The following RALYL variants were observed in gnomAD, a reference collection of about 807,000 sequenced individuals.
RALYL encodes the protein RNA-binding Raly-like protein.
A neutral mutation model predicts 35.1 loss-of-function variants in RALYL; 29 were observed. The observed-to-expected ratio is 0.83, with a 90% CI of 0.61 to 1.13. The LOEUF (loss-of-function observed/expected upper bound fraction) is 1.13, where lower values mean the gene tolerates loss of function less well. Ranked by LOEUF, RALYL falls within the 50% of genes most tolerant of loss-of-function variation. The pLI, the probability that RALYL is intolerant of heterozygous loss-of-function variation, is 0.00. For missense variants in RALYL, 359 were observed against 360.4 expected (o/e 1.00, Z 0.03); for synonymous variants, 120 against 127.6 (o/e 0.94, Z 0.40).
chr8:84,638,354 G>C (rs1318600982), intron 2 of RALYL, among the ~76,000 whole-genome samples: 1 of 151,816 alleles, frequency 6.6e-6, no homozygotes, highest in Non-Finnish European at 1.5e-5. Flanking sequence ...CTGCATCAAA[G>C]TCTGAAAGAG....
intron 2 of RALYL, among the ~76,000 whole-genome samples, chr8:84,769,950 T>C (rs1391334396): frequency 6.6e-6 from 1 of 152,212 alleles, no homozygotes; most frequent in Non-Finnish European, 1.5e-5. Flanking sequence ...CTATTAACTT[T>C]AATGTCTTCT....
rs1554614840 is a variant in RALYL, at chr8:84,311,090, A to AAAAAAT, written c.-24+126667_-24+126668insAAAATA. Among the ~76,000 whole-genome samples, 205 of 99,762 alleles carry AAAAAAT rather than the reference A, an allele frequency of 2.1e-3. 25 individuals carry two copies. The highest frequency in any genetic ancestry group is 2.3e-3 in the Non-Finnish European group (108 of 47,362). 65.4% of individuals were successfully genotyped at this position (99,762 alleles called of 152,430 possible). ...AAAAAAAAAAAAAAAAAAAAAAAAAAATGTATATTAATGTATAGTATAAAT... is the reference window on the plus strand; with the variant it reads ...AAAAAAAAAAAAAAAAAAAAAAAAAAAAAAATATGTATATTAATGTATAGTATAAAT... On this transcript the variant is annotated intron_variant, in intron 1 of 8. Coordinates refer to ENST00000521268, the MANE Select transcript of RALYL (RefSeq NM_173848.7).
chr8:84,419,222 C>T (rs565855545), intron 1 of RALYL, among the ~76,000 whole-genome samples: 11 of 152,120 alleles, frequency 7.2e-5, no homozygotes, highest in Non-Finnish European at 1.2e-4. Flanking sequence ...GAGGACTTTG[C>T]GTTGTGGCTC....
intron 2 of RALYL, among the ~76,000 whole-genome samples, chr8:84,665,443 G>GT (rs1030549376): frequency 6.6e-6 from 1 of 151,192 alleles, no homozygotes; most frequent in Non-Finnish European, 1.5e-5. Context: ...GTCCTGTGCT[G>GT]TTTTTTTATT....
At chr8:84,374,079 GTTGT>G (rs1856457626) in intron 1 of RALYL, among the ~76,000 whole-genome samples, 1 of 152,016 alleles carries the variant, frequency 6.6e-6, no homozygotes, top group Non-Finnish European at 1.5e-5. Context: ...CTTTGTTGAA[GTTGT>G]TTATCAGCTG....
At chr8:84,557,302 T>C (rs2061190643) in intron 2 of RALYL, among the ~76,000 whole-genome samples, 1 of 152,220 alleles carries the variant, frequency 6.6e-6, no homozygotes, top group Non-Finnish European at 1.5e-5. Flanking sequence ...TTACTCAGTA[T>C]GTAAGCAATG....
rs1216912577 is a variant in RALYL at position 84,887,723 on chromosome 8, G to C, written c.805G>C (p.Glu269Gln). Residue 269 changes from glutamate (E) to glutamine (Q), a missense_variant, in exon 8 of 9, where the codon GAG (glutamate) becomes CAG (glutamine). Physicochemically the swap from Glu to Gln is conservative, Grantham distance 29. Transcript: ENST00000521268. ...AEGGPDADGE[E>Q]MTDGIEEDFD... ...AGGAGGGCCAGATGCCGATGGAGAA[G>C]AGATGACAGATGGGATAGAGGAGGA... The C allele has an allele frequency of 6.2e-7, 1 of 1,613,956 alleles. No individual in the cohort carries two copies. Among genetic ancestry groups the C allele is most frequent in the Non-Finnish European group, 8.5e-7 (1 of 1,179,822 alleles).
intron 7 of RALYL, among the ~76,000 whole-genome samples, chr8:84,884,391 G>C (rs2135392875): frequency 6.6e-6 from 1 of 152,036 alleles, no homozygotes; most frequent in East Asian, 1.9e-4. Context: ...CATGAAGCCA[G>C]ATGAGGACTA....
At chr8:84,204,579 G>GA (rs1347572757) in intron 1 of RALYL, among the ~76,000 whole-genome samples, 3 of 151,952 alleles carry the variant, frequency 2.0e-5, no homozygotes, top group Non-Finnish European at 4.4e-5. Flanking sequence ...TCATCTGTTT[G>GA]GTTTTTCTTG....
intron 1 of RALYL, among the ~76,000 whole-genome samples, chr8:84,469,723 C>T (rs1388774845): frequency 3.3e-5 from 5 of 152,186 alleles, no homozygotes; most frequent in Non-Finnish European, 7.4e-5. Context: ...CAATGGCAGG[C>T]GCCCCTCCCC....
chr8:84,776,336 C>T (rs1420601114), intron 3 of RALYL, among the ~76,000 whole-genome samples: 1 of 152,022 alleles, frequency 6.6e-6, no homozygotes, highest in East Asian at 1.9e-4. Flanking sequence ...ATTTTTAAAG[C>T]TATACTGAAA....
At chr8:84,736,579 CAT>C (rs1449892610) in intron 2 of RALYL, among the ~76,000 whole-genome samples, 7 of 152,060 alleles carry the variant, frequency 4.6e-5, no homozygotes, top group Admixed American at 3.3e-4. Context: ...TACTGTCTAT[CAT>C]GTGTGAGTAT....
At chr8:84,616,568 T>C (rs1195834532) in intron 2 of RALYL, among the ~76,000 whole-genome samples, 1 of 149,354 alleles carries the variant, frequency 6.7e-6, no homozygotes, top group African/African-American at 2.5e-5. Flanking sequence ...TGGTAGTTTC[T>C]TTTGCTGTGC....
rs144695293 is a variant in RALYL at position 84,332,841 on chromosome 8, G to A, written c.-24+148417G>A. ...TTCAGAGAAAAAGAGCTGGAGGGGAGGTGACCTGGAAACTAAACTAAGATC... is the reference window on the plus strand; with the variant it reads ...TTCAGAGAAAAAGAGCTGGAGGGGAAGTGACCTGGAAACTAAACTAAGATC... On this transcript the variant is annotated intron_variant, in intron 1 of 8. Coordinates refer to ENST00000521268, the MANE Select transcript of RALYL (RefSeq NM_173848.7). 1.9e-3 allele frequency among the ~76,000 whole-genome samples: 293 copies of A among 152,046 alleles called. 1 individual carries two copies. Among genetic ancestry groups the A allele is most frequent in the African/African-American group, 6.5e-3 (268 of 41,498 alleles).
intron 1 of RALYL, among the ~76,000 whole-genome samples, chr8:84,328,809 C>A (rs1846298844): frequency 6.6e-6 from 1 of 152,122 alleles, no homozygotes; most frequent in African/African-American, 2.4e-5. Flanking sequence ...AACTTTATGT[C>A]CATGAATGCC....
At chr8:84,271,272 A>ATGT (rs1472987205) in intron 1 of RALYL, among the ~76,000 whole-genome samples, 3 of 152,152 alleles carry the variant, frequency 2.0e-5, no homozygotes, top group Admixed American at 6.6e-5. Context: ...TACAAATGGC[A>ATGT]AACAAGCACA....
intron 1 of RALYL, among the ~76,000 whole-genome samples, chr8:84,222,378 G>T (rs1822453385): frequency 6.6e-6 from 1 of 151,998 alleles, no homozygotes; most frequent in African/African-American, 2.4e-5. Flanking sequence ...TACATATTTA[G>T]CAACTGGAGA....
chr8:84,424,275 C>T (rs2046065243), intron 1 of RALYL, among the ~76,000 whole-genome samples: 1 of 141,784 alleles, frequency 7.1e-6, no homozygotes, highest in African/African-American at 2.7e-5. Flanking sequence ...CTCTAAACTT[C>T]CCTTCTCGCT....
intron 2 of RALYL, among the ~76,000 whole-genome samples, chr8:84,672,513 A>G (rs1833465085): frequency 6.6e-6 from 1 of 152,158 alleles, no homozygotes; most frequent in South Asian, 2.1e-4. Flanking sequence ...ACTTCGTACT[A>G]ATTTACTGTA....
Sources: allele counts gnomAD v4.1 joint callset (sites outside exome capture counted in the v4.1 genomes callset), GRCh38; gene constraint gnomAD v4.1.1; transcripts MANE v1.5; gene names NCBI Gene and HGNC (gene_info 2026-07-23, HGNC 2026-07-21).